UBE2E1: variants seen among roughly 807,000 people sequenced by gnomAD.
The protein encoded by UBE2E1 is ubiquitin-conjugating enzyme E2 E1.
Under a neutral mutation model 21.4 loss-of-function variants are expected in UBE2E1, and 6 were observed. That is an observed-to-expected ratio of 0.28 (90% CI 0.15 to 0.55). UBE2E1 has a LOEUF of 0.55. Among genes scored for constraint, UBE2E1 ranks in the 20% least tolerant of loss-of-function variants. UBE2E1 has a pLI of 0.93. For synonymous variants in UBE2E1, 87 were observed against 82.7 expected (o/e 1.05, Z -0.28); for missense variants, 142 against 236.5 (o/e 0.60, Z 2.62).
At chr3:23,837,272 C>T (rs1323672494) in intron 3 of UBE2E1, among the ~76,000 whole-genome samples, 1 of 152,132 alleles carries the variant, frequency 6.6e-6, no homozygotes, top group Non-Finnish European at 1.5e-5. Context: ...AAGTAACTTG[C>T]CTGTGATCAT....
At chr3:23,856,904 G>A (rs1200295942) in intron 3 of UBE2E1, among the ~76,000 whole-genome samples, 1 of 151,586 alleles carries the variant, frequency 6.6e-6, no homozygotes, top group Non-Finnish European at 1.5e-5. Context: ...TTGGCAAGCT[G>A]AGGCAGGAGG....
In UBE2E1 at chr3:23,806,286, C is replaced by G. The variant is rs1459390067; in HGVS notation, c.-34+198C>G. Among the ~76,000 whole-genome samples, 1 of 150,476 alleles carries G rather than the reference C, an allele frequency of 6.6e-6. No homozygotes were observed. The highest frequency in any genetic ancestry group is 1.5e-5 in the Non-Finnish European group (1 of 67,382). On this transcript the variant is annotated intron_variant, in intron 1 of 5. Coordinates refer to ENST00000306627, the MANE Select transcript of UBE2E1 (RefSeq NM_003341.5). The surrounding 1 kb of genome is among the most constrained non-coding windows in gnomAD (Gnocchi z 6.5). Reference sequence around the variant, plus strand: ...GCCCGCGGGGGATGGGCAGGGACCCCGGGCCGCGTGGGGTGCGGGGGCCGC... The same window carrying G: ...GCCCGCGGGGGATGGGCAGGGACCCGGGGCCGCGTGGGGTGCGGGGGCCGC...
In UBE2E1 at chr3:23,832,953, G is replaced by A. The variant is rs565036026; in HGVS notation, c.203+21443G>A. Among the ~76,000 whole-genome samples the A allele has an allele frequency of 2.0e-5, 3 of 152,286 alleles. No individual in the cohort carries two copies. The East Asian group carries it at 5.8e-4, about 29-fold the overall frequency. ...GGAGGCTGAGGCAGGAAGATTGCTTGAGCCCAGGAGATTGATGCTGCAGTG... is the reference window on the plus strand; with the variant it reads ...GGAGGCTGAGGCAGGAAGATTGCTTAAGCCCAGGAGATTGATGCTGCAGTG... On this transcript the variant is annotated intron_variant, in intron 3 of 5. Coordinates refer to ENST00000306627, the MANE Select transcript of UBE2E1 (RefSeq NM_003341.5).
chr3:23,846,650 C>G (rs538069588), intron 3 of UBE2E1, among the ~76,000 whole-genome samples: 1 of 136,564 alleles, frequency 7.3e-6, no homozygotes, highest in African/African-American at 2.8e-5. Context: ...GAGCTGAGAT[C>G]GTGCCACTGC....
At chr3:23,872,680 CAT>C (rs1412915068) in intron 3 of UBE2E1, among the ~76,000 whole-genome samples, 3 of 152,236 alleles carry the variant, frequency 2.0e-5, no homozygotes, top group African/African-American at 7.2e-5. Flanking sequence ...TAACAAAAAA[CAT>C]ATTAATATAA....
Position 23,881,309 on chromosome 3 carries a change from CTA to C in UBE2E1, c.204-6256_204-6255del, listed in dbSNP as rs78121406. 3.7e-3 allele frequency among the ~76,000 whole-genome samples: 544 copies of C among 148,514 alleles called. 15 individuals carry two copies. In the South Asian group the frequency reaches 0.046, roughly 12 times the overall value. On this transcript the variant is annotated intron_variant, in intron 3 of 5. Coordinates refer to ENST00000306627, the MANE Select transcript of UBE2E1 (RefSeq NM_003341.5). ...TATTTATTTTGATTAGAAGAAAAAA[CTA>C]TGTTATCTTTTTCTTTTTGCCTTGT...
chr3:23,888,386 G>A (rs769063505), intron 4 of UBE2E1: 3 of 359,710 alleles, frequency 8.3e-6, no homozygotes, highest in Non-Finnish European at 1.7e-5. Context: ...GCAACAAGAA[G>A]TAATCGAAAG....
Position 23,863,827 on chromosome 3 carries a change from G to T in UBE2E1, c.204-23740G>T, listed in dbSNP as rs1700602069. Among the ~76,000 whole-genome samples, 1 of 152,154 alleles carries T rather than the reference G, an allele frequency of 6.6e-6. No homozygotes were observed. The highest frequency in any genetic ancestry group is 2.1e-4 in the South Asian group (1 of 4,828). On this transcript the variant is annotated intron_variant, in intron 3 of 5. Coordinates refer to ENST00000306627, the MANE Select transcript of UBE2E1 (RefSeq NM_003341.5). The surrounding 1 kb of genome is among the most constrained non-coding windows in gnomAD (Gnocchi z 4.3). ...TTACAGGCGTGAACCACCGCGCCCA[G>T]CCTGAATTTTATCTTTTTTGAAGAA...
chr3:23,822,752 A>G (rs542481267), intron 3 of UBE2E1, among the ~76,000 whole-genome samples: 6 of 152,338 alleles, frequency 3.9e-5, no homozygotes, highest in Non-Finnish European at 5.9e-5. Flanking sequence ...ATGCACTAGA[A>G]TGAGTTGGAT....
chr3:23,827,055 G>T (rs1044391319), intron 3 of UBE2E1, among the ~76,000 whole-genome samples: 2 of 151,972 alleles, frequency 1.3e-5, no homozygotes, highest in Admixed American at 1.3e-4. Context: ...TAAGAAAAGG[G>T]CCCTTAGGAC....
At chr3:23,884,866 C>G (rs1701142253) in intron 3 of UBE2E1, among the ~76,000 whole-genome samples, 1 of 152,140 alleles carries the variant, frequency 6.6e-6, no homozygotes, top group African/African-American at 2.4e-5. Context: ...TAAGTGTTTA[C>G]CATAAACTAG....
intron 3 of UBE2E1, among the ~76,000 whole-genome samples, chr3:23,861,234 C>A (rs561766152): frequency 6.6e-6 from 1 of 152,290 alleles, no homozygotes; most frequent in South Asian, 2.1e-4. Flanking sequence ...GTTTCCATTG[C>A]CAGTGCTCTT....
chr3:23,809,895 C>T (rs536445717), intron 2 of UBE2E1, among the ~76,000 whole-genome samples: 2 of 152,264 alleles, frequency 1.3e-5, no homozygotes, highest in African/African-American at 4.8e-5. Context: ...AGAAATGAAA[C>T]GCTTTTTGAT....
chr3:23,867,803 C>T (rs1436109789), intron 3 of UBE2E1, among the ~76,000 whole-genome samples: 1 of 152,108 alleles, frequency 6.6e-6, no homozygotes, highest in Non-Finnish European at 1.5e-5. Flanking sequence ...GCAGAGAAGG[C>T]AGAACAGTGA....
At chr3:23,825,934 GGA>G (rs1230269241) in intron 3 of UBE2E1, among the ~76,000 whole-genome samples, 2 of 152,182 alleles carry the variant, frequency 1.3e-5, no homozygotes. Context: ...CCCGCTGTTA[GGA>G]GACTGAGGCT....
chr3:23,827,087 A>C (rs932654954), intron 3 of UBE2E1, among the ~76,000 whole-genome samples: 2 of 152,152 alleles, frequency 1.3e-5, no homozygotes, highest in Non-Finnish European at 2.9e-5. Context: ...CTTATCCATT[A>C]TAAAAAGTTA....
chr3:23,820,811 C>T (rs1019687872), intron 3 of UBE2E1, among the ~76,000 whole-genome samples: 1 of 152,170 alleles, frequency 6.6e-6, no homozygotes, highest in Non-Finnish European at 1.5e-5. Flanking sequence ...ATTATCCATA[C>T]TGCCAGTACA....
intron 3 of UBE2E1, among the ~76,000 whole-genome samples, chr3:23,866,018 G>A (rs1006335508): frequency 6.6e-6 from 1 of 152,164 alleles, no homozygotes; most frequent in African/African-American, 2.4e-5. Context: ...CTGGGTGAAA[G>A]AGTTGGCAAT....
At chr3:23,822,869 C>G (rs1043664876) in intron 3 of UBE2E1, among the ~76,000 whole-genome samples, 1 of 119,526 alleles carries the variant, frequency 8.4e-6, no homozygotes, top group Non-Finnish European at 1.6e-5. Context: ...CTTCCAGAGA[C>G]GGAGCCTTGC....
Sources: allele counts gnomAD v4.1 joint callset (sites outside exome capture counted in the v4.1 genomes callset), GRCh38; gene constraint gnomAD v4.1.1; non-coding constraint Gnocchi (gnomAD v3.1); transcripts MANE v1.5; gene names NCBI Gene and HGNC (gene_info 2026-07-23, HGNC 2026-07-21).